The following DSCAM variants were observed in gnomAD, a reference collection of about 807,000 sequenced individuals.
DSCAM encodes the protein DS cell adhesion molecule.
DSCAM carries 47 observed loss-of-function variants against 217.7 expected under a neutral mutation model. That is an observed-to-expected ratio of 0.22 (90% confidence interval 0.17 to 0.28). DSCAM has a LOEUF of 0.28. DSCAM is among the 10% of genes least tolerant of loss of function. The probability of loss-of-function intolerance (pLI) is 1.00; values close to 1 mark genes in which losing one functional copy is unlikely to be tolerated. For synonymous variants in DSCAM, 1,056 were observed against 1,015.3 expected (o/e 1.04, Z -0.76); for missense variants, 2,080 against 2,618.3 (o/e 0.79, Z 4.49).
chr21:40,023,177 C>T (rs1037451893), intron 32 of DSCAM, among the ~76,000 whole-genome samples: 3 of 152,006 alleles, frequency 2.0e-5, no homozygotes, highest in African/African-American at 7.2e-5. Context: ...CCAATTTCAT[C>T]CATGTCCCTA....
At chr21:40,702,279 T>TA (rs1568992473) in intron 2 of DSCAM, among the ~76,000 whole-genome samples, 1 of 152,144 alleles carries the variant, frequency 6.6e-6, no homozygotes, top group East Asian at 1.9e-4. Context: ...ACTTACAACA[T>TA]AGAGTGAAAT....
In DSCAM at chr21:40,420,331, G is replaced by A. The variant is rs1601628938; in HGVS notation, c.509-51086C>T. Among the ~76,000 whole-genome samples the A allele has an allele frequency of 3.9e-5, 6 of 152,256 alleles. 1 individual carries two copies. The South Asian group carries it at 1.2e-3, about 32-fold the overall frequency. Reference sequence around the variant, plus strand: ...ACTCAAGATCTATGACTTGGGTTCTGGATTTCGTTTATCTTTTCTTTATCC... The same window carrying A: ...ACTCAAGATCTATGACTTGGGTTCTAGATTTCGTTTATCTTTTCTTTATCC... On this transcript the variant is annotated intron_variant, in intron 3 of 32. Transcript: ENST00000400454.
At chr21:40,566,917 G>A (rs2076769079) in intron 3 of DSCAM, among the ~76,000 whole-genome samples, 1 of 152,076 alleles carries the variant, frequency 6.6e-6, no homozygotes, top group African/African-American at 2.4e-5. Context: ...AAGTGGGGAT[G>A]GACACAGGTT....
chr21:40,500,948 A>G (rs2146035738), intron 3 of DSCAM, among the ~76,000 whole-genome samples: 1 of 151,748 alleles, frequency 6.6e-6, no homozygotes, highest in Middle Eastern at 3.4e-3. Context: ...GCAATATGGT[A>G]GGTATGCAGC....
At chr21:40,830,491 T>C (rs925138822) in intron 1 of DSCAM, among the ~76,000 whole-genome samples, 1 of 152,196 alleles carries the variant, frequency 6.6e-6, no homozygotes. Context: ...CCACTCTAAA[T>C]AGTATGTGCA....
At chr21:40,701,519 T>A (rs1411673988) in intron 2 of DSCAM, among the ~76,000 whole-genome samples, 2 of 152,162 alleles carry the variant, frequency 1.3e-5, no homozygotes, top group Non-Finnish European at 2.9e-5. Flanking sequence ...GAGACCACTA[T>A]TTAAGACTTT....
intron 3 of DSCAM, among the ~76,000 whole-genome samples, chr21:40,583,862 G>A (rs9978289): frequency 0.45 from 66,730 of 149,742 alleles, 15,732 homozygotes; most frequent in Admixed American, 0.55. Flanking sequence ...CCTTCCACTC[G>A]GTTTTGCTGT....
At chr21:40,666,616 G>C (rs576511605) in intron 3 of DSCAM, among the ~76,000 whole-genome samples, 65 of 152,316 alleles carry the variant, frequency 4.3e-4, no homozygotes, top group African/African-American at 1.6e-3. Flanking sequence ...CTTTTTATAA[G>C]TATGGTAAAG....
chr21:40,035,892 G>T (rs1018131397), intron 32 of DSCAM, among the ~76,000 whole-genome samples: 4 of 148,124 alleles, frequency 2.7e-5, no homozygotes, highest in Admixed American at 1.3e-4. Flanking sequence ...CATGGAAACT[G>T]AACAACCTGC....
intron 3 of DSCAM, among the ~76,000 whole-genome samples, chr21:40,418,095 G>C (rs1051678188): frequency 6.6e-6 from 1 of 152,132 alleles, no homozygotes; most frequent in Non-Finnish European, 1.5e-5. Context: ...GGATTAGAGG[G>C]GTGTAAAGAA....
chr21:40,695,506 A>G (rs545181976), intron 2 of DSCAM, among the ~76,000 whole-genome samples: 380 of 152,306 alleles, frequency 2.5e-3, no homozygotes, highest in Non-Finnish European at 4.4e-3. Flanking sequence ...GGTCAGTCCC[A>G]AGAAGCCCAG....
chr21:40,541,746 C>T (rs973710711), intron 3 of DSCAM, among the ~76,000 whole-genome samples: 4 of 151,944 alleles, frequency 2.6e-5, no homozygotes, highest in Non-Finnish European at 5.9e-5. Context: ...TAATATTATA[C>T]TTAAGGAAGA....
At chr21:40,264,552 T>C (rs2073497065) in intron 11 of DSCAM, among the ~76,000 whole-genome samples, 1 of 152,122 alleles carries the variant, frequency 6.6e-6, no homozygotes, top group Admixed American at 6.5e-5. Flanking sequence ...AGAAGGAACA[T>C]ACCTCAAAAT....
chr21:40,605,762 T>C (rs1601782721), intron 3 of DSCAM, among the ~76,000 whole-genome samples: 1 of 150,980 alleles, frequency 6.6e-6, no homozygotes, highest in African/African-American at 2.4e-5. Context: ...AAATATGTTC[T>C]TCACTTATAT....
intron 3 of DSCAM, among the ~76,000 whole-genome samples, chr21:40,620,304 A>G (rs111213037): frequency 5.4e-4 from 61 of 113,754 alleles, no homozygotes; most frequent in Non-Finnish European, 8.9e-4. Context: ...AAGAAAAAGA[A>G]AGAGAGAGAG....
chr21:40,845,540 C>CCTCTCTCTCTCTCTCTCTCTCT (rs71332310), intron 1 of DSCAM, among the ~76,000 whole-genome samples: 67 of 138,972 alleles, frequency 4.8e-4, no homozygotes, highest in East Asian at 2.1e-3. Flanking sequence ...CTCTTCTTCT[C>CCTCTCTCTCTCTCTCTCTCTCT]CTCTCTCTCT....
rs541468300 is a variant in DSCAM at position 40,309,931 on chromosome 21, G to T, written c.2062+2150C>A. ...ATCAATCAGGCCATAGTGCTGTGGT[G>T]GTTAAAGTCAACAGTGCCAACTCTT... On this transcript the variant is annotated intron_variant, in intron 9 of 32. Coordinates refer to ENST00000400454, the MANE Select transcript of DSCAM (RefSeq NM_001389.5). 2.0e-5 allele frequency among the ~76,000 whole-genome samples: 3 copies of T among 152,272 alleles called. No homozygotes were observed. The South Asian group carries it at 6.2e-4, about 32-fold the overall frequency.
chr21:40,048,199 C>T (rs1202804440), intron 30 of DSCAM, among the ~76,000 whole-genome samples: 1 of 152,192 alleles, frequency 6.6e-6, no homozygotes, highest in Non-Finnish European at 1.5e-5. Flanking sequence ...ATTAATGTGC[C>T]CAAGTGCTCC....
intron 23 of DSCAM, 67 bp from the exon 24 acceptor site, chr21:40,084,073 C>A: frequency 8.0e-7 from 1 of 1,254,410 alleles, no homozygotes; most frequent in South Asian, 1.4e-5. Flanking sequence ...CCTGAACAGT[C>A]ATTTACCAAC....
Sources: allele counts gnomAD v4.1 joint callset (sites outside exome capture counted in the v4.1 genomes callset), GRCh38; gene constraint gnomAD v4.1.1; transcripts MANE v1.5; gene names NCBI Gene and HGNC (gene_info 2026-07-23, HGNC 2026-07-21).